SERPINB10: variants seen among roughly 807,000 people sequenced by gnomAD.
SERPINB10 encodes serpin B10.
SERPINB10 carries 35 observed loss-of-function variants against 39.1 expected under a neutral mutation model. The ratio of observed to expected loss-of-function variants is 0.90; its 90% CI spans 0.68 to 1.19. The LOEUF (loss-of-function observed/expected upper bound fraction) is 1.19. SERPINB10 is among the 50% of genes most tolerant of loss of function. The pLI is 0.00. For missense variants in SERPINB10, 546 were observed against 460.5 expected, an observed-to-expected ratio of 1.19 and a Z score of -1.70; for synonymous variants, 190 against 158.1, an observed-to-expected ratio of 1.20 and a Z score of -1.52.
intron 4 of SERPINB10, among the ~76,000 whole-genome samples, chr18:63,919,422 G>A (rs1208461115): frequency 6.6e-6 from 1 of 151,826 alleles, no homozygotes; most frequent in Non-Finnish European, 1.5e-5. Flanking sequence ...AAAAAGTCAA[G>A]TACAATGCCC....
At chr18:63,924,127 T>G (rs1011263059) in intron 5 of SERPINB10, among the ~76,000 whole-genome samples, 2 of 152,014 alleles carry the variant, frequency 1.3e-5, no homozygotes, top group African/African-American at 4.8e-5. Flanking sequence ...TTTTCTTACC[T>G]GTTTAATCCT....
intron 1 of SERPINB10, among the ~76,000 whole-genome samples, chr18:63,913,159 C>T (rs1568242460): frequency 6.6e-6 from 1 of 151,646 alleles, no homozygotes; most frequent in Non-Finnish European, 1.5e-5. Flanking sequence ...TTATTTATAT[C>T]TCCTCTTTTT....
chr18:63,911,972 A>C (rs1169734242), intron 1 of SERPINB10, among the ~76,000 whole-genome samples: 1 of 151,266 alleles, frequency 6.6e-6, no homozygotes, highest in East Asian at 1.9e-4. Context: ...TTTTTACCTC[A>C]CTTTGTAGAG....
At chr18:63,909,203 C>T (rs1392202179) in intron 1 of SERPINB10, among the ~76,000 whole-genome samples, 1 of 152,032 alleles carries the variant, frequency 6.6e-6, no homozygotes, top group Non-Finnish European at 1.5e-5. Context: ...ACAGGTTAAG[C>T]TCATAGATGA....
At position 63,935,393 on chromosome 18, in the gene SERPINB10, T is replaced by G; in HGVS notation, c.*151T>G. ...AAATAGATCTTGAAATAATGCATTC[T>G]AATGATCCTGTCATATCTGTACAGC... On this transcript the variant is annotated 3_prime_UTR_variant, in exon 8 of 8. Transcript: ENST00000238508. 1.4e-6 allele frequency: 1 copy of G among 730,384 alleles called. No individual in the cohort carries two copies. The highest frequency in any genetic ancestry group is 2.2e-6 in the Non-Finnish European group (1 of 456,478). 45.2% of individuals were successfully genotyped at this position (730,384 alleles called of 1,614,324 possible).
At chr18:63,932,904 G>A (rs2050233137) in intron 6 of SERPINB10, 144 bp from the exon 7 acceptor site, 1 of 696,792 alleles carries the variant, frequency 1.4e-6, no homozygotes, top group Non-Finnish European at 2.4e-6. Context: ...CATAAAGGAA[G>A]GTCTGGATAA....
At chr18:63,913,719 G>A (rs990338858) in intron 1 of SERPINB10, among the ~76,000 whole-genome samples, 11 of 152,030 alleles carry the variant, frequency 7.2e-5, no homozygotes, top group Admixed American at 2.0e-4. Context: ...TATATTCCGC[G>A]TGCAGATGAG....
chr18:63,933,491 A>G (rs1568251419), intron 7 of SERPINB10, among the ~76,000 whole-genome samples: 1 of 152,220 alleles, frequency 6.6e-6, no homozygotes, highest in African/African-American at 2.4e-5. Context: ...CCACATGTAC[A>G]ACAGATACAA....
At chr18:63,931,616 A>G (rs141904654) in intron 6 of SERPINB10, among the ~76,000 whole-genome samples, 177 of 152,262 alleles carry the variant, frequency 1.2e-3, no homozygotes, top group African/African-American at 4.1e-3. Flanking sequence ...TTTTTAGAGC[A>G]TTTTTAGGTT....
chr18:63,932,175 C>T (rs946669589), intron 6 of SERPINB10, among the ~76,000 whole-genome samples: 2 of 152,152 alleles, frequency 1.3e-5, no homozygotes, highest in Non-Finnish European at 2.9e-5. Context: ...TAGTTCCTTC[C>T]AATTTTTTGG....
chr18:63,912,085 A>C (rs540240077), intron 1 of SERPINB10, among the ~76,000 whole-genome samples: 1 of 151,480 alleles, frequency 6.6e-6, no homozygotes, highest in East Asian at 1.9e-4. Context: ...TCCCTGTTTG[A>C]ATGTTATTGG....
intron 1 of SERPINB10, among the ~76,000 whole-genome samples, chr18:63,914,201 T>C (rs527850474): frequency 6.6e-6 from 1 of 152,180 alleles, no homozygotes; most frequent in Non-Finnish European, 1.5e-5. Context: ...CATTAATGGG[T>C]CTTGTTTTTT....
chr18:63,924,504 A>G (rs1215569883), intron 5 of SERPINB10, among the ~76,000 whole-genome samples: 1 of 152,006 alleles, frequency 6.6e-6, no homozygotes, highest in Admixed American at 6.6e-5. Context: ...TACTAAGCCT[A>G]ACTCCAGATG....
chr18:63,916,482 G>A (rs2050103909), intron 2 of SERPINB10, among the ~76,000 whole-genome samples: 1 of 151,978 alleles, frequency 6.6e-6, no homozygotes, highest in Admixed American at 6.6e-5. Flanking sequence ...TAATTCTGAG[G>A]GAAGTGGGCA....
intron 6 of SERPINB10, among the ~76,000 whole-genome samples, chr18:63,930,409 T>C (rs2050213972): frequency 6.6e-6 from 1 of 152,052 alleles, no homozygotes; most frequent in Non-Finnish European, 1.5e-5. Flanking sequence ...TTGCCACCCA[T>C]GTGAGCTGGG....
chr18:63,920,755 T>C (rs1242905475), intron 5 of SERPINB10, among the ~76,000 whole-genome samples: 2 of 151,912 alleles, frequency 1.3e-5, no homozygotes, highest in African/African-American at 4.8e-5. Context: ...AAGCCCCTAA[T>C]TCCAGGCAAG....
intron 1 of SERPINB10, among the ~76,000 whole-genome samples, chr18:63,913,054 T>G (rs1489394642): frequency 6.0e-4 from 92 of 152,158 alleles, no homozygotes; most frequent in African/African-American, 2.1e-3. Context: ...GATTATCTAG[T>G]TTGTGTGCAT....
intron 5 of SERPINB10, among the ~76,000 whole-genome samples, chr18:63,925,771 G>A (rs1460429952): frequency 2.0e-5 from 3 of 151,914 alleles, no homozygotes; most frequent in Non-Finnish European, 4.4e-5. Context: ...AGTAGTAATT[G>A]TTTTAGATAG....
At chr18:63,925,598 C>T (rs187190015) in intron 5 of SERPINB10, among the ~76,000 whole-genome samples, 2 of 151,836 alleles carry the variant, frequency 1.3e-5, no homozygotes, top group Admixed American at 6.6e-5. Flanking sequence ...TGGATTATAA[C>T]CCATAGAATA....
Sources: allele counts gnomAD v4.1 joint callset (sites outside exome capture counted in the v4.1 genomes callset), GRCh38; gene constraint gnomAD v4.1.1; transcripts MANE v1.5; gene names NCBI Gene and HGNC (gene_info 2026-07-23, HGNC 2026-07-21).